The following BCL6 variants were observed in gnomAD, a reference collection of about 807,000 sequenced individuals.
The protein encoded by BCL6 is B-cell lymphoma 6 protein.
Under a neutral mutation model 59.5 loss-of-function variants are expected in BCL6, and 7 were observed. The ratio of observed to expected loss-of-function variants is 0.12; its 90% CI spans 0.07 to 0.22. The LOEUF is 0.22. Among genes scored for constraint, BCL6 ranks in the 10% least tolerant of loss-of-function variants. The probability of loss-of-function intolerance (pLI) is 1.00; values close to 1 mark genes in which losing one functional copy is unlikely to be tolerated. For missense variants in BCL6, 685 were observed against 939.4 expected (o/e 0.73, Z 3.54); for synonymous variants, 339 against 349.7 (o/e 0.97, Z 0.34).
At position 187,738,635 on chromosome 3, in the gene BCL6, G is replaced by T. The variant is rs1719399739; in HGVS notation, c.-49-3728C>A. ...GGGTGCCATGTCCTAATTGGTCTCG[G>T]TAGCAGGCTCCGGGGTGCGCTTTCG... On this transcript the variant is annotated intron_variant, in intron 1 of 9. Coordinates refer to ENST00000406870, the MANE Select transcript of BCL6 (RefSeq NM_001706.5). Among the ~76,000 whole-genome samples the T allele has an allele frequency of 2.6e-5, 4 of 152,300 alleles. No individual in the cohort carries two copies. In the South Asian group the frequency reaches 8.3e-4, roughly 32 times the overall value.
chr3:187,722,347 T>A lies in BCL6; in HGVS notation c.*111A>T. The stretch of plus-strand genomic sequence containing the variant: ...CCCAACCCCCAGCTATGATTTGCAC[T>A]AGTGGATGAAAGAGGCACTACATCA... On this transcript the variant is annotated 3_prime_UTR_variant, in exon 10 of 10. Coordinates refer to ENST00000406870, the MANE Select transcript of BCL6 (RefSeq NM_001706.5). 2 of 386,074 alleles carry A rather than the reference T, an allele frequency of 5.2e-6. No individual in the cohort carries two copies. The highest frequency in any genetic ancestry group is 7.2e-6 in the Non-Finnish European group (2 of 277,320). The allele number at this position is 386,074 out of a possible 1,614,324, so 23.9% of individuals were successfully genotyped here.
chr3:187,745,323 A>C (rs1711900870), intron 1 of BCL6, 87 bp downstream of exon 1: 2 of 401,334 alleles, frequency 5.0e-6, no homozygotes, highest in Middle Eastern at 4.9e-4. Flanking sequence ...AATGATCATG[A>C]GCAGCGGCGG....
chr3:187,743,586 C>G (rs2108482041), intron 1 of BCL6, among the ~76,000 whole-genome samples: 1 of 152,048 alleles, frequency 6.6e-6, no homozygotes, highest in Admixed American at 6.5e-5. Flanking sequence ...AGCTTTAAAA[C>G]TCATTATTGC....
At chr3:187,730,240 G>C (rs1333475398) in intron 4 of BCL6, among the ~76,000 whole-genome samples, 3 of 152,216 alleles carry the variant, frequency 2.0e-5, no homozygotes, top group Non-Finnish European at 2.9e-5. Context: ...AGGGAAGTGA[G>C]TTTCCGGCAT....
At chr3:187,724,461 T>G (rs1718572398) in intron 9 of BCL6, 1 of 154,680 alleles carries the variant, frequency 6.5e-6, no homozygotes, top group Non-Finnish European at 1.4e-5. Flanking sequence ...TTCTTTATGT[T>G]TTTTTTTAAT....
chr3:187,729,206 A>T lies in BCL6; in HGVS notation c.1199T>A (p.Leu400Gln). The change falls in exon 5 of 10, where the codon CTG becomes CAG. Residue 400 changes from leucine to glutamine, a missense_variant. Coordinates refer to ENST00000406870, the MANE Select transcript of BCL6 (RefSeq NM_001706.5). The surrounding 1 kb of genome is among the most constrained non-coding windows in gnomAD (Gnocchi z 5.6). ...GTAGGCTCGTGGGGAAAGGCGGCCCAGCTCAGCCTGCTCAGGCCCCTCTGG... is the reference window on the plus strand; with the variant it reads ...GTAGGCTCGTGGGGAAAGGCGGCCCTGCTCAGCCTGCTCAGGCCCCTCTGG... Reference protein sequence around the residue: ...AKPEGPEQAELGRLSPRAYTA... With the variant: ...AKPEGPEQAEQGRLSPRAYTA... The T allele has an allele frequency of 6.3e-7, 1 of 1,599,402 alleles. No individual in the cohort carries two copies. Among genetic ancestry groups the T allele is most frequent in the Middle Eastern group, 1.7e-4 (1 of 6,022 alleles).
chr3:187,744,683 G>C (rs993829645), intron 1 of BCL6, among the ~76,000 whole-genome samples: 1 of 152,142 alleles, frequency 6.6e-6, no homozygotes, highest in African/African-American at 2.4e-5. Flanking sequence ...ATGGAAGAGA[G>C]CCAGCGGGGC....
intron 1 of BCL6, among the ~76,000 whole-genome samples, chr3:187,744,251 G>A (rs1711760669): frequency 6.6e-6 from 1 of 152,234 alleles, no homozygotes; most frequent in African/African-American, 2.4e-5. Context: ...GTTCTCCCAG[G>A]CTGTCCTGTC....
intron 1 of BCL6, among the ~76,000 whole-genome samples, chr3:187,744,661 A>G (rs1711805467): frequency 1.3e-5 from 2 of 152,298 alleles, no homozygotes; most frequent in East Asian, 1.9e-4. Flanking sequence ...GGAATCTAAA[A>G]GACCGAGGCC....
rs750156065 is a variant in BCL6 at position 187,726,805 on chromosome 3, G to T, written c.1634C>A (p.Pro545His). The T allele has an allele frequency of 6.2e-7, 1 of 1,614,230 alleles. No homozygotes were observed. Among genetic ancestry groups the T allele is most frequent in the South Asian group, 1.1e-5 (1 of 91,088 alleles). Reference protein sequence around the residue: ...RHTLQTHSDKPYKCDRCQASF... With the variant: ...RHTLQTHSDKHYKCDRCQASF... ...GGCCTGGCAGCGGTCACACTTGTAGGGTTTGTCACTGTGGGTCTGCAGCGT... is the reference window on the plus strand; with the variant it reads ...GGCCTGGCAGCGGTCACACTTGTAGTGTTTGTCACTGTGGGTCTGCAGCGT... The change falls in exon 7 of 10, where the codon CCC (proline) becomes CAC (histidine). Residue 545 changes from proline to histidine, a missense_variant. By Grantham distance (77) the Pro-to-His change is moderately conservative. This residue lies in a region of BCL6 where 207 missense variants were observed against 213.7 expected (regional missense o/e 0.97). Coordinates refer to ENST00000406870, the MANE Select transcript of BCL6 (RefSeq NM_001706.5).
chr3:187,722,304 G>GGGCC lies in BCL6; in HGVS notation c.*153_*154insGGCC. The GGGCC allele has an allele frequency of 1.9e-4, 60 of 309,076 alleles. No individual in the cohort carries two copies. The highest frequency in any genetic ancestry group is 5.6e-4 in the East Asian group (10 of 17,918). The allele number at this position is 309,076 out of a possible 1,614,324, so 19.1% of individuals were successfully genotyped here. A position where few individuals can be genotyped will look rare whatever the true frequency, so the allele number is the denominator to read the frequency against. On this transcript the variant is annotated 3_prime_UTR_variant, in exon 10 of 10. Coordinates refer to ENST00000406870, the MANE Select transcript of BCL6 (RefSeq NM_001706.5). ...GCTGCTGCGGCTCCCAGTCCCCCAG[G>GGGCC]CCCCGACCCCCACCACCCCCAACCC... is the stretch of plus-strand genomic sequence containing the variant.
chr3:187,738,749 C>T (rs936679842), intron 1 of BCL6, among the ~76,000 whole-genome samples: 2 of 152,212 alleles, frequency 1.3e-5, no homozygotes, highest in Non-Finnish European at 2.9e-5. Flanking sequence ...CCGCTCATCC[C>T]TTCTGCGGCA....
intron 1 of BCL6, chr3:187,736,051 CACAA>C (rs1320230979): frequency 6.6e-6 from 1 of 152,194 alleles, no homozygotes; most frequent in African/African-American, 2.4e-5. Flanking sequence ...CCTTCCCCCA[CACAA>C]ACACTTTGCC....
chr3:187,741,354 G>C (rs1373623486), intron 1 of BCL6, among the ~76,000 whole-genome samples: 2 of 152,078 alleles, frequency 1.3e-5, no homozygotes, highest in Non-Finnish European at 2.9e-5. Flanking sequence ...AATGGCACTC[G>C]ACAGTATTGG....
Position 187,725,402 on chromosome 3 carries a change from A to G in BCL6, c.1839+97T>C, listed in dbSNP as rs1718632966. 21 of 1,503,176 alleles carry G rather than the reference A, an allele frequency of 1.4e-5. No homozygotes were observed. Among genetic ancestry groups the G allele is most frequent in the South Asian group, 2.4e-5 (2 of 83,262 alleles). The allele number at this position is 1,503,176 out of a possible 1,614,324, so 93.1% of individuals were successfully genotyped here. A position where few individuals can be genotyped will look rare whatever the true frequency, so the allele number is the denominator to read the frequency against. On this transcript the variant is annotated intron_variant, in intron 8 of 9. Coordinates refer to ENST00000406870, the MANE Select transcript of BCL6 (RefSeq NM_001706.5). The surrounding 1 kb of genome is among the most constrained non-coding windows in gnomAD (Gnocchi z 4.7). ...CCCGCTCCGCTTGCCTGCCCGCTCCACTTGCCTGCCCACTCCTCCGCTTGC... is the reference window on the plus strand; with the variant it reads ...CCCGCTCCGCTTGCCTGCCCGCTCCGCTTGCCTGCCCACTCCTCCGCTTGC...
chr3:187,728,191 C>T (rs1295246830), intron 6 of BCL6, among the ~76,000 whole-genome samples, 169 bp downstream of exon 6: 1 of 152,232 alleles, frequency 6.6e-6, no homozygotes, highest in Non-Finnish European at 1.5e-5. Context: ...CCCAGTTCCC[C>T]AAGAAGCGAA....
chr3:187,733,769 A>G (rs1413763190), intron 2 of BCL6, 66 bp from the exon 3 acceptor site: 1 of 1,565,108 alleles, frequency 6.4e-7, no homozygotes, highest in Non-Finnish European at 8.7e-7. Context: ...CACAGGTATC[A>G]GAGCAGGTGG....
At chr3:187,733,776 G>GT (rs1159391511) in intron 2 of BCL6, 73 bp from the exon 3 acceptor site, 1 of 1,548,790 alleles carries the variant, frequency 6.5e-7, no homozygotes, top group Non-Finnish European at 8.8e-7. Context: ...ATCAGAGCAG[G>GT]TGGCTTAGCC....
intron 6 of BCL6, 77 bp downstream of exon 6, chr3:187,728,283 T>C: frequency 7.2e-7 from 1 of 1,386,582 alleles, no homozygotes. Context: ...ACAGCATAAG[T>C]AAAATGGAGC....
Sources: gnomAD v4.1 joint callset for allele counts (sites outside exome capture counted in the v4.1 genomes callset) on GRCh38, gnomAD v4.1.1 for gene constraint, gnomAD v4.1.1 regional missense constraint, Gnocchi (gnomAD v3.1) non-coding constraint, MANE v1.5 for transcripts, NCBI Gene and HGNC (gene_info 2026-07-23, HGNC 2026-07-21) for gene names.